The following PLA2G15 variants were observed in gnomAD, a reference collection of about 807,000 sequenced individuals.
PLA2G15 encodes the protein lysosomal phospholipase A and acyltransferase.
A neutral mutation model predicts 40.9 loss-of-function variants in PLA2G15; 20 were observed. The observed-to-expected ratio is 0.49, with a 90% CI of 0.34 to 0.71. PLA2G15 has a LOEUF of 0.71. PLA2G15 is among the 30% of genes least tolerant of loss of function. PLA2G15 has a pLI of 0.01. For missense variants in PLA2G15, 471 were observed against 541.9 expected (o/e 0.87, Z 1.30); for synonymous variants, 223 against 228.2 (o/e 0.98, Z 0.21).
chr16:68,245,391 A>G lies in PLA2G15; in HGVS notation c.-36A>G, dbSNP rs961440424. ...CCTAGGCGAGAGCCCAGAGAGCTGA[A>G]CCTGCATCCCGGACCTGCGGCGACC... is the stretch of plus-strand genomic sequence containing the variant. On this transcript the variant is annotated 5_prime_UTR_variant, in exon 1 of 6. Transcript: ENST00000219345. 128 of 1,596,916 alleles carry G rather than the reference A, an allele frequency of 8.0e-5. No homozygotes were observed. The highest frequency in any genetic ancestry group is 1.1e-4 in the Non-Finnish European group (126 of 1,177,058).
intron 2 of PLA2G15, among the ~76,000 whole-genome samples, chr16:68,250,005 C>G (rs548145930): frequency 3.0e-4 from 45 of 151,830 alleles, no homozygotes; most frequent in Non-Finnish European, 5.3e-4. Context: ...GTCCCAGCCC[C>G]TATTCAGAGC....
chr16:68,245,633 G>A (rs2042302833), intron 1 of PLA2G15, 80 bp downstream of exon 1: 2 of 1,464,288 alleles, frequency 1.4e-6, no homozygotes, highest in Non-Finnish European at 1.8e-6. Context: ...GTCTGCTTCT[G>A]TTCCAGTCAC....
chr16:68,246,547 G>A (rs974549477), intron 1 of PLA2G15, among the ~76,000 whole-genome samples: 1 of 152,188 alleles, frequency 6.6e-6, no homozygotes, highest in African/African-American at 2.4e-5. Flanking sequence ...TGCCAGGCAG[G>A]CCCCACCAGG....
chr16:68,259,233 A>G lies in PLA2G15; in HGVS notation c.815A>G (p.Tyr272Cys), dbSNP rs763705878. 2 of 1,613,904 alleles carry G rather than the reference A, an allele frequency of 1.2e-6. No individual in the cohort carries two copies. Among genetic ancestry groups the G allele is most frequent in the Admixed American group, 1.7e-5 (1 of 60,036 alleles). Residue 272 changes from tyrosine to cysteine, a missense_variant, in exon 6 of 6, where the codon TAC becomes TGC. Coordinates refer to ENST00000219345, the MANE Select transcript of PLA2G15 (RefSeq NM_012320.4). This position sits in a 1 kb window ranked among gnomAD's most constrained non-coding sequence, Gnocchi z 6.5. ...GTCTCCACCAGCTGGCTGCTGCCCTACAACTACACATGGTCACCTGAGAAG... is the reference window on the plus strand; with the variant it reads ...GTCTCCACCAGCTGGCTGCTGCCCTGCAACTACACATGGTCACCTGAGAAG... ...SAVSTSWLLP[Y>C]NYTWSPEKVF...
In PLA2G15 at chr16:68,256,089, G is replaced by C. The variant is rs2042399885; in HGVS notation, c.727+99G>C. On this transcript the variant is annotated intron_variant, in intron 5 of 5. Coordinates refer to ENST00000219345, the MANE Select transcript of PLA2G15 (RefSeq NM_012320.4). ...TCCTGGGCCAGCATGCCTCGTGTCT[G>C]TCCCACGGTGTGTGGGGTCTATGCA... The C allele has an allele frequency of 1.2e-5, 9 of 726,150 alleles. No individual in the cohort carries two copies. In the South Asian group the frequency reaches 1.7e-4, roughly 13 times the overall value. 45.0% of individuals were successfully genotyped at this position (726,150 alleles called of 1,614,324 possible).
At position 68,258,165 on chromosome 16, in the gene PLA2G15, T is replaced by G. The variant is rs572961631; in HGVS notation, c.728-981T>G. ...GGTGTTTGTGTTGTTCACATTCCTGTGTATAGGGACTCCGCCTCCATCTGC... is the reference window on the plus strand; with the variant it reads ...GGTGTTTGTGTTGTTCACATTCCTGGGTATAGGGACTCCGCCTCCATCTGC... On this transcript the variant is annotated intron_variant, in intron 5 of 5. Coordinates refer to ENST00000219345, the MANE Select transcript of PLA2G15 (RefSeq NM_012320.4). 3.0e-3 allele frequency among the ~76,000 whole-genome samples: 454 copies of G among 152,302 alleles called. 2 individuals carry two copies. The highest frequency in any genetic ancestry group is 6.8e-3 in the Middle Eastern group (2 of 294).
chr16:68,251,581 C>G (rs1157140551), intron 2 of PLA2G15, among the ~76,000 whole-genome samples: 1 of 152,126 alleles, frequency 6.6e-6, no homozygotes, highest in Non-Finnish European at 1.5e-5. Context: ...AGTCAGGAGT[C>G]TGAGGCAGGA....
chr16:68,249,339 A>G lies in PLA2G15; in HGVS notation c.177A>G (p.Thr59=), dbSNP rs1292078677. 1.9e-6 allele frequency: 3 copies of G among 1,613,928 alleles called. No homozygotes were observed. In the East Asian group the frequency reaches 6.7e-5, roughly 36 times the overall value. Residue 59 remains threonine, a synonymous_variant, in exon 2 of 6, where the codon ACA becomes ACG. Coordinates refer to ENST00000219345, the MANE Select transcript of PLA2G15 (RefSeq NM_012320.4). ...NQLEAKLDKP[T]VVHYLCSKKT... Reference sequence around the variant, plus strand: ...TGGAAGCCAAGCTGGACAAGCCGACAGTGGTGCACTACCTCTGCTCCAAGA... The same window carrying G: ...TGGAAGCCAAGCTGGACAAGCCGACGGTGGTGCACTACCTCTGCTCCAAGA...
At position 68,259,577 on chromosome 16, in the gene PLA2G15, C is replaced by G; in HGVS notation, c.1159C>G (p.Leu387Val). The change falls in exon 6 of 6, where the codon CTG becomes GTG. Residue 387 changes from leucine (L) to valine (V), a missense_variant. Leu to Val is a conservative substitution (Grantham distance 32). Coordinates refer to ENST00000219345, the MANE Select transcript of PLA2G15 (RefSeq NM_012320.4). The surrounding 1 kb of genome is among the most constrained non-coding windows in gnomAD (Gnocchi z 6.5). ...GGAGCACCAAGTGTTGCTGCAGGAG[C>G]TGCCAGGCAGCGAGCACATCGAGAT... is the stretch of plus-strand genomic sequence containing the variant. ...RQEHQVLLQE[L>V]PGSEHIEMLA... is the part of the protein sequence containing the mutation. The G allele has an allele frequency of 6.2e-7, 1 of 1,613,392 alleles. No homozygotes were observed. The highest frequency in any genetic ancestry group is 1.1e-5 in the South Asian group (1 of 91,090).
Position 68,255,643 on chromosome 16 carries a change from C to T in PLA2G15, c.503-123C>T, listed in dbSNP as rs768424216. Reference sequence around the variant, plus strand: ...TCATGGAAGGCGGGGGGACCCAGACCGCTCTGTTTGAATGTGAGCACCCTC... The same window carrying T: ...TCATGGAAGGCGGGGGGACCCAGACTGCTCTGTTTGAATGTGAGCACCCTC... On this transcript the variant is annotated intron_variant, in intron 4 of 5. Coordinates refer to ENST00000219345, the MANE Select transcript of PLA2G15 (RefSeq NM_012320.4). The surrounding 1 kb of genome is among the most constrained non-coding windows in gnomAD (Gnocchi z 5.9). 135 of 794,388 alleles carry T rather than the reference C, an allele frequency of 1.7e-4. No homozygotes were observed. Among genetic ancestry groups the T allele is most frequent in the African/African-American group, 1.7e-3 (99 of 58,350 alleles). 49.2% of individuals were successfully genotyped at this position (794,388 alleles called of 1,614,324 possible).
At chr16:68,247,646 ACT>A (rs2042320077) in intron 1 of PLA2G15, among the ~76,000 whole-genome samples, 1 of 151,528 alleles carries the variant, frequency 6.6e-6, no homozygotes, top group Non-Finnish European at 1.5e-5. Context: ...CATGACAGGG[ACT>A]CCCTCCCTCT....
rs114087298 is a variant in PLA2G15 at position 68,259,052 on chromosome 16, C to T, written c.728-94C>T. The T allele has an allele frequency of 3.7e-4, 377 of 1,030,800 alleles. 2 individuals carry two copies. The African/African-American group carries it at 5.3e-3, about 14-fold the overall frequency. The allele number at this position is 1,030,800 out of a possible 1,614,324, so 63.9% of individuals were successfully genotyped here. On this transcript the variant is annotated intron_variant, in intron 5 of 5. Transcript: ENST00000219345. This position sits in a 1 kb window ranked among gnomAD's most constrained non-coding sequence, Gnocchi z 6.5. The stretch of plus-strand genomic sequence containing the variant: ...GAGATGCGGGACTGTGGACTGGGCC[C>T]CTGGCTGGGGTCTGGCAGGGGCCTG...
chr16:68,253,573 C>A, intron 2 of PLA2G15: 1 of 336,044 alleles, frequency 3.0e-6, no homozygotes, highest in South Asian at 2.2e-5. Flanking sequence ...TGGGGTTTCA[C>A]CCTGTTGGCC....
intron 1 of PLA2G15, chr16:68,248,705 T>G: frequency 3.0e-6 from 3 of 993,350 alleles, no homozygotes; most frequent in Non-Finnish European, 3.6e-6. Context: ...ATATATCTAA[T>G]GACAAGGGCC....
chr16:68,255,898 C>T lies in PLA2G15; in HGVS notation c.635C>T (p.Pro212Leu), dbSNP rs1004103396. ...ACGCTCTACTTTCTGCAGCGGCAGC[C>T]GCAGGCCTGGAAGGACAAGTATATC... ...MYTLYFLQRQ[P>L]QAWKDKYIRA... Residue 212 changes from proline (P) to leucine (L), a missense_variant, in exon 5 of 6, where the codon CCG (proline) becomes CTG (leucine). Transcript: ENST00000219345. This position sits in a 1 kb window ranked among gnomAD's most constrained non-coding sequence, Gnocchi z 5.9. 14 of 1,613,744 alleles carry T rather than the reference C, an allele frequency of 8.7e-6. No individual in the cohort carries two copies. The highest frequency in any genetic ancestry group is 8.3e-5 in the Admixed American group (5 of 59,998).
At chr16:68,247,780 C>G (rs2042321037) in intron 1 of PLA2G15, among the ~76,000 whole-genome samples, 2 of 152,230 alleles carry the variant, frequency 1.3e-5, no homozygotes, top group South Asian at 4.1e-4. Context: ...ACGGTCAGTT[C>G]CCAGTGAATG....
intron 2 of PLA2G15, chr16:68,252,559 C>G: frequency 2.2e-6 from 1 of 456,068 alleles, no homozygotes; most frequent in Non-Finnish European, 4.4e-6. Context: ...GTACTGAGCC[C>G]TGAGGCGGGG....
intron 2 of PLA2G15, among the ~76,000 whole-genome samples, chr16:68,251,744 CAG>C (rs2042356084): frequency 1.3e-5 from 2 of 151,928 alleles, no homozygotes; most frequent in South Asian, 4.2e-4. Flanking sequence ...CCCATGATCC[CAG>C]CTACTCGGGA....
intron 2 of PLA2G15, chr16:68,252,613 A>G (rs2042365111): frequency 4.4e-6 from 2 of 455,898 alleles, no homozygotes; most frequent in African/African-American, 2.0e-5. Flanking sequence ...TACAGAAACT[A>G]TGAGATCACG....
Sources: allele counts gnomAD v4.1 joint callset (sites outside exome capture counted in the v4.1 genomes callset), GRCh38; gene constraint gnomAD v4.1.1; non-coding constraint Gnocchi (gnomAD v3.1); transcripts MANE v1.5; gene names NCBI Gene and HGNC (gene_info 2026-07-23, HGNC 2026-07-21).